The following TNFRSF14 variants were observed in gnomAD, a reference collection of about 807,000 sequenced individuals.
TNFRSF14 encodes the protein TNF receptor superfamily member 14, also known as tumor necrosis factor receptor superfamily member 14.
A neutral mutation model predicts 34.1 loss-of-function variants in TNFRSF14; 18 were observed. The observed-to-expected ratio is 0.53, with a 90% confidence interval of 0.36 to 0.78. The LOEUF is 0.78. Among genes scored for constraint, TNFRSF14 ranks in the 30% least tolerant of loss-of-function variants. The pLI is 0.00. For missense variants in TNFRSF14, 352 were observed against 379.5 expected (o/e 0.93, Z 0.60); for synonymous variants, 157 against 153.2 (o/e 1.02, Z -0.18).
At chr1:2,558,062 G>A (rs145299955) in intron 2 of TNFRSF14, among the ~76,000 whole-genome samples, 7 of 152,292 alleles carry the variant, frequency 4.6e-5, no homozygotes, top group South Asian at 2.1e-4. Context: ...TCTGAGAGAC[G>A]TGGCTGGCCC....
At chr1:2,562,961 G>A in intron 7 of TNFRSF14, 65 bp downstream of exon 7, 1 of 1,557,066 alleles carries the variant, frequency 6.4e-7, no homozygotes, top group Non-Finnish European at 8.8e-7. Flanking sequence ...CCCCGCTGGG[G>A]CTGGTGTTTC....
At chr1:2,556,316 G>T, upstream of TNFRSF14, 1 of 592,390 alleles carries the variant, frequency 1.7e-6, no homozygotes, top group Non-Finnish European at 3.2e-6. Flanking sequence ...GAAACCCGGA[G>T]TGGACTGGAA....
chr1:2,562,067 ATGACCCTGTGCTCCTGCC>A, intron 6 of TNFRSF14: 1 of 558,794 alleles, frequency 1.8e-6, no homozygotes, highest in Non-Finnish European at 3.2e-6. Context: ...CACGCACTCT[ATGACCCTGTGCTCCTGCC>A]TGCCCCCTGT....
At chr1:2,559,197 T>C in intron 3 of TNFRSF14, 1 of 1,369,300 alleles carries the variant, frequency 7.3e-7, no homozygotes. Flanking sequence ...TGGAGTGCTT[T>C]GGGGGTTCAT....
intron 3 of TNFRSF14, chr1:2,559,432 G>A (rs2100850556): frequency 7.1e-7 from 1 of 1,399,740 alleles, no homozygotes; most frequent in African/African-American, 1.4e-5. Context: ...GGAATGGCCT[G>A]GTTTGCACAG....
At position 2,561,882 on chromosome 1, in the gene TNFRSF14, C is replaced by A; in HGVS notation, c.694+67C>A. 2 of 1,530,848 alleles carry A rather than the reference C, an allele frequency of 1.3e-6. No individual in the cohort carries two copies. The highest frequency in any genetic ancestry group is 2.4e-5 in the South Asian group (2 of 84,792). The allele number at this position is 1,530,848 out of a possible 1,614,324, so 94.8% of individuals were successfully genotyped here. A position where few individuals can be genotyped will look rare whatever the true frequency, so the allele number is the denominator to read the frequency against. The stretch of plus-strand genomic sequence containing the variant: ...GTCACCTCTTGGAGCTCTGTCACCC[C>A]AAGCCTGGGAGGTGGCCCCAGAGCT... On this transcript the variant is annotated intron_variant, in intron 6 of 7. Coordinates refer to ENST00000355716, the MANE Select transcript of TNFRSF14 (RefSeq NM_003820.4). This position sits in a 1 kb window ranked among gnomAD's most constrained non-coding sequence, Gnocchi z 6.0.
chr1:2,560,123 T>C (rs945336385), intron 4 of TNFRSF14, 145 bp downstream of exon 4: 1 of 1,277,094 alleles, frequency 7.8e-7, no homozygotes, highest in Non-Finnish European at 1.0e-6. Flanking sequence ...GCCCACCCAC[T>C]TCAGCCCTGT....
chr1:2,561,476 C>T lies in TNFRSF14; in HGVS notation c.552-197C>T, dbSNP rs781780964. ...CTTGTTTCTCTTCTCCTCCTTCCTTCTCTCCACCTCCCCATAGCCGAGCTT... is the reference window on the plus strand; with the variant it reads ...CTTGTTTCTCTTCTCCTCCTTCCTTTTCTCCACCTCCCCATAGCCGAGCTT... On this transcript the variant is annotated intron_variant, in intron 5 of 7. Transcript: ENST00000355716. The surrounding 1 kb of genome is among the most constrained non-coding windows in gnomAD (Gnocchi z 6.0). 6.2e-5 allele frequency: 93 copies of T among 1,504,280 alleles called. No homozygotes were observed. The African/African-American group carries it at 1.2e-3, about 19-fold the overall frequency. The allele number at this position is 1,504,280 out of a possible 1,614,324, so 93.2% of individuals were successfully genotyped here.
chr1:2,560,494 C>T (rs1557479724), intron 4 of TNFRSF14, 130 bp from the exon 5 acceptor site: 1 of 651,946 alleles, frequency 1.5e-6, no homozygotes. Context: ...GGAGCCTGCC[C>T]CTCCCCGCTG....
At chr1:2,558,726 C>T (rs369400126) in intron 3 of TNFRSF14, 14 of 1,133,280 alleles carry the variant, frequency 1.2e-5, no homozygotes, top group South Asian at 1.6e-5. Flanking sequence ...CCTTATCCCT[C>T]GTCCTTGGCT....
chr1:2,558,406 G>C lies in TNFRSF14; in HGVS notation c.242G>C (p.Gly81Ala), dbSNP rs2100846065. The change falls in exon 3 of 8, where the codon GGC becomes GCC. Residue 81 changes from glycine (G) to alanine (A), a missense_variant. Physicochemically the swap from Gly to Ala is moderately conservative, Grantham distance 60. Coordinates refer to ENST00000355716, the MANE Select transcript of TNFRSF14 (RefSeq NM_003820.4). ...TGTVCEPCPP[G>A]TYIAHLNGLS... Reference sequence around the variant, plus strand: ...ACAGTGTGTGAACCCTGCCCTCCAGGCACCTACATTGCCCACCTCAATGGC... The same window carrying C: ...ACAGTGTGTGAACCCTGCCCTCCAGCCACCTACATTGCCCACCTCAATGGC... 6.2e-7 allele frequency: 1 copy of C among 1,613,370 alleles called. No individual in the cohort carries two copies. Among genetic ancestry groups the C allele is most frequent in the Non-Finnish European group, 8.5e-7 (1 of 1,179,792 alleles).
chr1:2,558,649 C>G (rs11573973), intron 3 of TNFRSF14, 181 bp downstream of exon 3: 2 of 1,261,490 alleles, frequency 1.6e-6, no homozygotes, highest in South Asian at 1.4e-5. Flanking sequence ...CTCCGGCCCC[C>G]GTCCACCTCT....
chr1:2,562,616 C>T (rs1046370163), intron 6 of TNFRSF14: 60 of 607,304 alleles, frequency 9.9e-5, no homozygotes, highest in Non-Finnish European at 1.2e-4. Context: ...ACTTGGGGGC[C>T]TCAGCTGGGG....
intron 3 of TNFRSF14, chr1:2,559,329 G>A: frequency 1.5e-6 from 2 of 1,370,814 alleles, no homozygotes; most frequent in Non-Finnish European, 1.9e-6. Flanking sequence ...TGGCAGGTGA[G>A]GCTGCCCTCA....
rs1396681979 is a variant in TNFRSF14 at position 2,557,655 on chromosome 1, T to C, written c.70-71T>C. On this transcript the variant is annotated intron_variant, in intron 1 of 7. Coordinates refer to ENST00000355716, the MANE Select transcript of TNFRSF14 (RefSeq NM_003820.4). ...CCATTGCACAGAGGGAGATTCAGGC[T>C]GTGGGGCCAAGCCTGGCAGAGCCCA... is the stretch of plus-strand genomic sequence containing the variant. 5 of 1,217,806 alleles carry C rather than the reference T, an allele frequency of 4.1e-6. No homozygotes were observed. In the Admixed American group the frequency reaches 1.2e-4, roughly 30 times the overall value. 75.4% of individuals were successfully genotyped at this position (1,217,806 alleles called of 1,614,324 possible).
At position 2,556,438 on chromosome 1, in the gene TNFRSF14, C is replaced by T. The variant is rs2234152; in HGVS notation, c.-227C>T. 1,746 of 697,830 alleles carry T rather than the reference C, an allele frequency of 2.5e-3. 28 individuals are homozygous for T. The African/African-American group carries it at 0.026, about 11-fold the overall frequency. 43.2% of individuals were successfully genotyped at this position (697,830 alleles called of 1,614,324 possible). On this transcript the variant is annotated 5_prime_UTR_variant, in exon 1 of 8. Coordinates refer to ENST00000355716, the MANE Select transcript of TNFRSF14 (RefSeq NM_003820.4). ...TCCCGCAGGGCCCACCTGTGTCCCC[C>T]AGCGCCGCTCCACCCAGCAGGCCTG...
chr1:2,556,251 G>A (rs1413544352), upstream of TNFRSF14: 2 of 507,078 alleles, frequency 3.9e-6, no homozygotes, highest in East Asian at 3.9e-5. Context: ...GTCCCTGAGT[G>A]TGTGAGTGAG....
chr1:2,557,790 A>T lies in TNFRSF14; in HGVS notation c.134A>T (p.Asp45Val), dbSNP rs769034378. ...CCAGCTCTGCCGTCCTGCAAGGAGG[A>T]CGAGTACCCAGTGGGCTCCGAGTGC... ...YAPALPSCKE[D>V]EYPVGSECCP... The change falls in exon 2 of 8, where the codon GAC becomes GTC. Residue 45 changes from aspartate (D) to valine (V), a missense_variant. Coordinates refer to ENST00000355716, the MANE Select transcript of TNFRSF14 (RefSeq NM_003820.4). 2 of 1,611,102 alleles carry T rather than the reference A, an allele frequency of 1.2e-6. No individual in the cohort carries two copies. Among genetic ancestry groups the T allele is most frequent in the African/African-American group, 2.7e-5 (2 of 74,752 alleles).
chr1:2,558,748 C>T (rs1054420950), intron 3 of TNFRSF14: 17 of 1,200,082 alleles, frequency 1.4e-5, no homozygotes, highest in African/African-American at 6.2e-5. Context: ...CTCTGGTGCC[C>T]GGGGTGGGTG....
Sources: gnomAD v4.1 joint callset for allele counts (sites outside exome capture counted in the v4.1 genomes callset) on GRCh38, gnomAD v4.1.1 for gene constraint, Gnocchi (gnomAD v3.1) non-coding constraint, MANE v1.5 for transcripts, NCBI Gene and HGNC (gene_info 2026-07-23, HGNC 2026-07-21) for gene names.